The following NWD2 variants were observed in gnomAD, a reference collection of about 807,000 sequenced individuals.
NWD2 encodes the protein NACHT and WD repeat domain-containing protein 2.
A neutral mutation model predicts 132.7 loss-of-function variants in NWD2; 37 were observed. That is an observed-to-expected ratio of 0.28 (90% CI 0.21 to 0.37). The LOEUF (loss-of-function observed/expected upper bound fraction) is 0.37. NWD2 is among the 10% of genes least tolerant of loss of function. NWD2 has a pLI of 1.00. For synonymous variants in NWD2, 705 were observed against 803.0 expected, an observed-to-expected ratio of 0.88 and a Z score of 2.06; for missense variants, 1,592 against 2,122.4, an observed-to-expected ratio of 0.75 and a Z score of 4.91.
intron 1 of NWD2, among the ~76,000 whole-genome samples, chr4:37,257,588 T>C (rs576686902): frequency 6.6e-6 from 1 of 152,340 alleles, no homozygotes; most frequent in Non-Finnish European, 1.5e-5. Flanking sequence ...TTAAAAGCTC[T>C]AGAATATAGA....
intron 3 of NWD2, among the ~76,000 whole-genome samples, chr4:37,401,357 C>T (rs1490691609): frequency 6.6e-6 from 1 of 152,168 alleles, no homozygotes; most frequent in Non-Finnish European, 1.5e-5. Context: ...AGAGATACCA[C>T]CTTGATCTTC....
At chr4:37,293,541 T>A (rs952765093) in intron 1 of NWD2, among the ~76,000 whole-genome samples, 1 of 152,268 alleles carries the variant, frequency 6.6e-6, no homozygotes, top group African/African-American at 2.4e-5. Flanking sequence ...AACATATTAA[T>A]GTTTGCCACT....
intron 3 of NWD2, among the ~76,000 whole-genome samples, chr4:37,425,370 T>C (rs1711972248): frequency 6.6e-6 from 1 of 152,194 alleles, no homozygotes; most frequent in Non-Finnish European, 1.5e-5. Flanking sequence ...CCAGATTATA[T>C]TTGAGTGTTG....
intron 1 of NWD2, among the ~76,000 whole-genome samples, chr4:37,316,848 T>C (rs28515106): frequency 0.073 from 11,048 of 152,174 alleles, 1,228 homozygotes; most frequent in African/African-American, 0.24. Flanking sequence ...TTAGGTAATA[T>C]AACAATTCTA....
At chr4:37,249,597 A>G (rs952546295) in intron 1 of NWD2, among the ~76,000 whole-genome samples, 3 of 152,224 alleles carry the variant, frequency 2.0e-5, no homozygotes, top group African/African-American at 7.2e-5. Context: ...AACTGCAGCC[A>G]TAAGATTAAG....
At chr4:37,287,696 G>A (rs1718264364) in intron 1 of NWD2, among the ~76,000 whole-genome samples, 1 of 152,212 alleles carries the variant, frequency 6.6e-6, no homozygotes, top group African/African-American at 2.4e-5. Context: ...CAGTCAAGCA[G>A]AGTTAGCCTT....
chr4:37,349,424 T>C (rs1458560410), intron 2 of NWD2, among the ~76,000 whole-genome samples: 2 of 152,234 alleles, frequency 1.3e-5, no homozygotes, highest in Non-Finnish European at 2.9e-5. Context: ...TGCACTTCTC[T>C]AATGACCAGT....
At chr4:37,409,467 T>A (rs1577694312) in intron 3 of NWD2, among the ~76,000 whole-genome samples, 1 of 150,974 alleles carries the variant, frequency 6.6e-6, no homozygotes, top group Non-Finnish European at 1.5e-5. Context: ...GGAAAAAAAA[T>A]AAAAAGGAAT....
chr4:37,435,714 C>T (rs191011669), intron 5 of NWD2, among the ~76,000 whole-genome samples: 1 of 152,280 alleles, frequency 6.6e-6, no homozygotes, highest in Non-Finnish European at 1.5e-5. Flanking sequence ...CTAGCTTTCC[C>T]CACACAGTGA....
intron 3 of NWD2, among the ~76,000 whole-genome samples, chr4:37,391,277 GA>G (rs1720675541): frequency 1.3e-5 from 2 of 152,170 alleles, no homozygotes; most frequent in African/African-American, 4.8e-5. Context: ...TGCTGAGAAA[GA>G]AAACACATAT....
chr4:37,255,256 A>G (rs1308867284), intron 1 of NWD2, among the ~76,000 whole-genome samples: 4 of 152,204 alleles, frequency 2.6e-5, no homozygotes, highest in African/African-American at 9.7e-5. Flanking sequence ...GAATAATTGG[A>G]ATCAGCTTGT....
At chr4:37,350,626 C>T (rs1330842773) in intron 2 of NWD2, among the ~76,000 whole-genome samples, 1 of 152,174 alleles carries the variant, frequency 6.6e-6, no homozygotes, top group Non-Finnish European at 1.5e-5. Context: ...ATGTCATCTG[C>T]AAACAGAGAC....
intron 3 of NWD2, among the ~76,000 whole-genome samples, chr4:37,397,620 AG>A (rs1720823967): frequency 6.6e-6 from 1 of 152,172 alleles, no homozygotes; most frequent in Non-Finnish European, 1.5e-5. Flanking sequence ...TCTGGAGTGA[AG>A]GTGACTTCAG....
intron 1 of NWD2, among the ~76,000 whole-genome samples, chr4:37,278,553 G>A (rs1718069369): frequency 6.6e-6 from 1 of 152,192 alleles, no homozygotes; most frequent in Non-Finnish European, 1.5e-5. Flanking sequence ...CTTCAAATGT[G>A]AGGAGATATG....
At position 37,329,038 on chromosome 4, in the gene NWD2, G is replaced by GAA. The variant is rs200752819; in HGVS notation, c.240+3024_240+3025dup. ...GAATTTGTTGAATGAATGGTTACAT[G>GAA]AAAAAAAAAAATGAATGAATGAAGA... is the stretch of plus-strand genomic sequence containing the variant. On this transcript the variant is annotated intron_variant, in intron 2 of 6. Transcript: ENST00000309447. 8.8e-5 allele frequency among the ~76,000 whole-genome samples: 13 copies of GAA among 147,742 alleles called. No homozygotes were observed. The East Asian group carries it at 2.6e-3, about 29-fold the overall frequency.
At chr4:37,356,315 T>C (rs1719870954) in intron 2 of NWD2, 51 bp from the exon 3 acceptor site, 1 of 993,914 alleles carries the variant, frequency 1.0e-6, no homozygotes, top group Admixed American at 3.0e-5. Flanking sequence ...ACATTGTAAA[T>C]AAAAACAAAG....
At chr4:37,263,214 A>G (rs1717680812) in intron 1 of NWD2, among the ~76,000 whole-genome samples, 1 of 152,148 alleles carries the variant, frequency 6.6e-6, no homozygotes, top group Admixed American at 6.6e-5. Flanking sequence ...GGAAAATGTA[A>G]TGGCCCACAA....
At chr4:37,330,427 T>C (rs1346250318) in intron 2 of NWD2, among the ~76,000 whole-genome samples, 1 of 151,928 alleles carries the variant, frequency 6.6e-6, no homozygotes, top group Non-Finnish European at 1.5e-5. Flanking sequence ...ACAAGGAGAA[T>C]CAATTGGAAA....
chr4:37,266,817 C>G (rs1467121734), intron 1 of NWD2, among the ~76,000 whole-genome samples: 4 of 151,958 alleles, frequency 2.6e-5, no homozygotes. Flanking sequence ...TCACCCTACC[C>G]CTCCCACTCA....
Sources: gnomAD v4.1 joint callset for allele counts (sites outside exome capture counted in the v4.1 genomes callset) on GRCh38, gnomAD v4.1.1 for gene constraint, MANE v1.5 for transcripts, NCBI Gene and HGNC (gene_info 2026-07-23, HGNC 2026-07-21) for gene names.